The following TRPS1 variants were observed in gnomAD, a reference collection of about 807,000 sequenced individuals.
The protein encoded by TRPS1 is transcriptional repressor GATA binding 1.
Under a neutral mutation model 101.2 loss-of-function variants are expected in TRPS1, and 6 were observed. That is an observed-to-expected ratio of 0.06 (90% confidence interval 0.03 to 0.12). TRPS1 has a LOEUF of 0.12. TRPS1 is among the 10% of genes least tolerant of loss of function. The pLI, the probability that TRPS1 is intolerant of heterozygous loss-of-function variation, is 1.00. For synonymous variants in TRPS1, 578 were observed against 589.8 expected (o/e 0.98, Z 0.29); for missense variants, 1,363 against 1,567.0 (o/e 0.87, Z 2.20).
At chr8:115,518,450 T>C (rs1162226990) in intron 5 of TRPS1, among the ~76,000 whole-genome samples, 1 of 151,716 alleles carries the variant, frequency 6.6e-6, no homozygotes, top group Non-Finnish European at 1.5e-5. Context: ...TGAACACAAA[T>C]ATTATGCTAT....
chr8:115,511,347 T>C (rs1032317951), intron 5 of TRPS1: 4 of 151,958 alleles, frequency 2.6e-5, no homozygotes, highest in Admixed American at 6.6e-5. Context: ...GTGCATTGTA[T>C]TGGCCTTTGA....
chr8:115,589,296 G>A (rs1040751970), intron 4 of TRPS1, among the ~76,000 whole-genome samples: 1 of 152,110 alleles, frequency 6.6e-6, no homozygotes, highest in Admixed American at 6.5e-5. Flanking sequence ...GTGCTCAAAT[G>A]CATGTTTTAA....
chr8:115,459,011 T>C (rs1814097761), intron 5 of TRPS1, among the ~76,000 whole-genome samples: 5 of 152,156 alleles, frequency 3.3e-5, no homozygotes, highest in African/African-American at 9.7e-5. Context: ...CTAAAAAAAA[T>C]AAATTTTGTT....
At chr8:115,471,892 C>A (rs1229408695) in intron 5 of TRPS1, among the ~76,000 whole-genome samples, 1 of 152,232 alleles carries the variant, frequency 6.6e-6, no homozygotes, top group Non-Finnish European at 1.5e-5. Context: ...CATGCTGATG[C>A]AAGAGGTGGG....
intron 2 of TRPS1, among the ~76,000 whole-genome samples, chr8:115,621,445 TG>T (rs1297104845): frequency 6.6e-6 from 1 of 152,248 alleles, no homozygotes; most frequent in Admixed American, 6.5e-5. Context: ...TCACAAGTAC[TG>T]AAGTACCACA....
At chr8:115,450,869 A>G (rs570404167) in intron 5 of TRPS1, among the ~76,000 whole-genome samples, 14 of 152,376 alleles carry the variant, frequency 9.2e-5, no homozygotes, top group Middle Eastern at 3.4e-3. Flanking sequence ...TTTTGGGAAC[A>G]TAACAAGTTA....
intron 5 of TRPS1, among the ~76,000 whole-genome samples, chr8:115,445,985 C>T (rs1813723860): frequency 1.3e-5 from 2 of 151,918 alleles, no homozygotes; most frequent in Admixed American, 1.3e-4. Context: ...CAATTCTTTC[C>T]TGTATAACTC....
At chr8:115,417,048 G>T (rs1181848894) in intron 6 of TRPS1, among the ~76,000 whole-genome samples, 1 of 151,814 alleles carries the variant, frequency 6.6e-6, no homozygotes, top group Non-Finnish European at 1.5e-5. Flanking sequence ...TCTTACCTCT[G>T]GAGAGATGAA....
chr8:115,572,397 A>T (rs191936004), intron 5 of TRPS1, among the ~76,000 whole-genome samples: 4 of 152,288 alleles, frequency 2.6e-5, no homozygotes, highest in African/African-American at 9.6e-5. Flanking sequence ...CTGTCTTGAT[A>T]GATTAATTGA....
chr8:115,535,327 C>CATATATAGCAT (rs1816280466), intron 5 of TRPS1, among the ~76,000 whole-genome samples: 3 of 143,396 alleles, frequency 2.1e-5, no homozygotes, highest in African/African-American at 7.7e-5. Context: ...ATATATAGAG[C>CATATATAGCAT]ATATATAGCG....
intron 4 of TRPS1, among the ~76,000 whole-genome samples, chr8:115,601,073 G>A (rs992657935): frequency 6.6e-6 from 1 of 152,088 alleles, no homozygotes; most frequent in Non-Finnish European, 1.5e-5. Context: ...TTCACTCAGA[G>A]CTCTAGATAA....
At chr8:115,570,776 A>T (rs991317190) in intron 5 of TRPS1, among the ~76,000 whole-genome samples, 1 of 151,996 alleles carries the variant, frequency 6.6e-6, no homozygotes, top group African/African-American at 2.4e-5. Context: ...AAACCCCAAC[A>T]TTGCCATGAA....
rs77446942 is a variant in TRPS1, at chr8:115,621,995, C to T, written c.37+1606G>A. Among the ~76,000 whole-genome samples the T allele has an allele frequency of 3.0e-4, 46 of 151,972 alleles. 1 individual carries two copies. The East Asian group carries it at 7.7e-3, about 26-fold the overall frequency. On this transcript the variant is annotated intron_variant, in intron 2 of 6. Coordinates refer to ENST00000395715, the MANE Select transcript of TRPS1 (RefSeq NM_014112.5). ...CTTCTTACACATCAATAATGTTATT[C>T]GCCAAATACCTATAAAAGCTCCCTC...
rs980861147 is a variant in TRPS1 at position 115,408,557 on chromosome 8, T to G, written c.*5466A>C. 1 of 150,818 alleles carries G rather than the reference T, an allele frequency of 6.6e-6. No individual in the cohort carries two copies. The highest frequency in any genetic ancestry group is 1.5e-5 in the Non-Finnish European group (1 of 67,510). The allele number at this position is 150,818 out of a possible 1,614,324, so 9.3% of individuals were successfully genotyped here. ...AGATGTAACAGACATCTTTGCTGCC[T>G]GAAGATTGTTTGCATAAGAAATACA... On this transcript the variant is annotated 3_prime_UTR_variant, in exon 7 of 7. Coordinates refer to ENST00000395715, the MANE Select transcript of TRPS1 (RefSeq NM_014112.5).
intron 5 of TRPS1, among the ~76,000 whole-genome samples, chr8:115,570,252 G>A (rs531104191): frequency 6.6e-6 from 1 of 151,924 alleles, no homozygotes; most frequent in Non-Finnish European, 1.5e-5. Context: ...AAAGGTTATT[G>A]GAAATAATGC....
chr8:115,619,081 T>C, intron 3 of TRPS1, 51 bp downstream of exon 3: 1 of 1,596,336 alleles, frequency 6.3e-7, no homozygotes, highest in Non-Finnish European at 8.6e-7. Context: ...AGAATTCACA[T>C]TTCATTTCTA....
At chr8:115,479,271 TGTA>T (rs1814693115) in intron 5 of TRPS1, among the ~76,000 whole-genome samples, 2 of 152,162 alleles carry the variant, frequency 1.3e-5, no homozygotes, top group Admixed American at 6.5e-5. Flanking sequence ...TTACGTAACT[TGTA>T]GTCTGGTACA....
chr8:115,609,317 G>A (rs901360891), intron 3 of TRPS1, among the ~76,000 whole-genome samples: 2 of 152,152 alleles, frequency 1.3e-5, no homozygotes, highest in Non-Finnish European at 2.9e-5. Flanking sequence ...TTCATTCAGT[G>A]ACAAACTCAC....
intron 5 of TRPS1, among the ~76,000 whole-genome samples, chr8:115,480,399 A>G (rs1403965139): frequency 6.6e-6 from 1 of 152,096 alleles, no homozygotes; most frequent in Non-Finnish European, 1.5e-5. Context: ...GTACTCTTTT[A>G]TTATAGAGTT....
Sources: gnomAD v4.1 joint callset for allele counts (sites outside exome capture counted in the v4.1 genomes callset) on GRCh38, gnomAD v4.1.1 for gene constraint, MANE v1.5 for transcripts, NCBI Gene and HGNC (gene_info 2026-07-23, HGNC 2026-07-21) for gene names.